The following POFUT3 variants were observed in gnomAD, a reference collection of about 807,000 sequenced individuals.
POFUT3 encodes protein O-fucosyltransferase 3.
chr8:33,349,688 G>A, the POFUT3 span, among the ~76,000 whole-genome samples: 2 of 152,126 alleles, frequency 1.3e-5, no homozygotes, highest in South Asian at 2.1e-4. Context: ...ATTGGTCGAT[G>A]GGCATTTAGG....
chr8:33,419,784 GT>G, the POFUT3 span, among the ~76,000 whole-genome samples: 1 of 152,182 alleles, frequency 6.6e-6, no homozygotes, highest in Non-Finnish European at 1.5e-5. Context: ...TATGTAATAT[GT>G]TAGGTCATTT....
chr8:33,438,963 A>AT, the POFUT3 span, among the ~76,000 whole-genome samples: 106,028 of 152,032 alleles, frequency 0.7, 38,185 homozygotes, highest in African/African-American at 0.88. Flanking sequence ...ACAATTCAAG[A>AT]GAGATTTGGG....
At chr8:33,458,410 A>G in the POFUT3 span, among the ~76,000 whole-genome samples, 1 of 152,094 alleles carries the variant, frequency 6.6e-6, no homozygotes, top group South Asian at 2.1e-4. Context: ...AAAGTATTTC[A>G]TTTGCCTAAA....
At chr8:33,422,252 C>T in the POFUT3 span, among the ~76,000 whole-genome samples, 26 of 151,182 alleles carry the variant, frequency 1.7e-4, no homozygotes, top group African/African-American at 3.4e-4. Flanking sequence ...CAACAGTTTT[C>T]GGTTTCCAGG....
At chr8:33,427,825 C>T in the POFUT3 span, among the ~76,000 whole-genome samples, 3 of 151,892 alleles carry the variant, frequency 2.0e-5, no homozygotes, top group African/African-American at 7.3e-5. Flanking sequence ...TTGGCAAGAG[C>T]GAATATAAAA....
chr8:33,338,703 G>A, the POFUT3 span, among the ~76,000 whole-genome samples: 1 of 152,174 alleles, frequency 6.6e-6, no homozygotes, highest in Non-Finnish European at 1.5e-5. Context: ...CTGCCCATCA[G>A]TAGTGAAGAG....
the POFUT3 span, among the ~76,000 whole-genome samples, chr8:33,407,186 G>T: frequency 6.6e-6 from 1 of 152,166 alleles, no homozygotes; most frequent in South Asian, 2.1e-4. Flanking sequence ...AAAGCTGGCA[G>T]ATATTTTATC....
At chr8:33,382,837 T>G in the POFUT3 span, among the ~76,000 whole-genome samples, 1 of 152,072 alleles carries the variant, frequency 6.6e-6, no homozygotes, top group Non-Finnish European at 1.5e-5. Flanking sequence ...CTTCTCAACT[T>G]CATCTATCCC....
chr8:33,469,794 T>C, the POFUT3 span, among the ~76,000 whole-genome samples: 1 of 134,954 alleles, frequency 7.4e-6, no homozygotes, highest in Non-Finnish European at 1.5e-5. Context: ...CACAGATTTT[T>C]TACTTTTTCT....
chr8:33,447,580 C>G, the POFUT3 span, among the ~76,000 whole-genome samples: 1 of 152,162 alleles, frequency 6.6e-6, no homozygotes, highest in Non-Finnish European at 1.5e-5. Flanking sequence ...AAGACTCAAA[C>G]CAGACACAGT....
At chr8:33,379,128 G>T in the POFUT3 span, among the ~76,000 whole-genome samples, 1 of 151,880 alleles carries the variant, frequency 6.6e-6, no homozygotes, top group East Asian at 1.9e-4. Context: ...AGATGTGTTT[G>T]TTTCCCCACT....
chr8:33,318,691 T>C, the POFUT3 span, among the ~76,000 whole-genome samples: 79 of 78,726 alleles, frequency 1.0e-3, 2 homozygotes, highest in East Asian at 2.5e-3. Context: ...ATATATTTTA[T>C]ATATATTTAT....
At chr8:33,464,386 T>A in the POFUT3 span, among the ~76,000 whole-genome samples, 1 of 152,082 alleles carries the variant, frequency 6.6e-6, no homozygotes. Context: ...TCCCAACAAC[T>A]CCACTCTCAT....
At chr8:33,334,121 T>G in the POFUT3 span, among the ~76,000 whole-genome samples, 1 of 152,192 alleles carries the variant, frequency 6.6e-6, no homozygotes, top group Admixed American at 6.5e-5. Flanking sequence ...TATTCATAGC[T>G]GTACAGTAAC....
chr8:33,404,949 T>C, the POFUT3 span, among the ~76,000 whole-genome samples: 31 of 152,274 alleles, frequency 2.0e-4, no homozygotes, highest in African/African-American at 7.5e-4. Context: ...CTTTTTTCTA[T>C]ACATGATAAT....
the POFUT3 span, among the ~76,000 whole-genome samples, chr8:33,361,685 A>G: frequency 6.6e-6 from 1 of 152,226 alleles, no homozygotes; most frequent in Non-Finnish European, 1.5e-5. Context: ...CCTGGCACAT[A>G]GTAAATGCTC....
At chr8:33,317,395 G>A in the POFUT3 span, among the ~76,000 whole-genome samples, 1 of 151,872 alleles carries the variant, frequency 6.6e-6, no homozygotes, top group Non-Finnish European at 1.5e-5. Flanking sequence ...AGACCTCAAC[G>A]TTCCTTTCTG....
At chr8:33,384,881 A>C in the POFUT3 span, among the ~76,000 whole-genome samples, 1 of 152,028 alleles carries the variant, frequency 6.6e-6, no homozygotes. Flanking sequence ...ACTAACTCAG[A>C]CTCAGGGACC....
chr8:33,395,829 G>A, the POFUT3 span, among the ~76,000 whole-genome samples: 3 of 152,210 alleles, frequency 2.0e-5, no homozygotes, highest in East Asian at 1.9e-4. Context: ...ACTTGCCCAG[G>A]CTCCTGCACC....
Sources: gnomAD v4.1 joint callset for allele counts (sites outside exome capture counted in the v4.1 genomes callset) on GRCh38, gnomAD v4.1.1 for gene constraint, MANE v1.5 for transcripts, NCBI Gene and HGNC (gene_info 2026-07-23, HGNC 2026-07-21) for gene names.